TMEM200B: variants seen among roughly 807,000 people sequenced by gnomAD.
The protein encoded by TMEM200B is transmembrane protein TTMA.
In TMEM200B, 12 loss-of-function variants were observed where a neutral mutation model predicts 17.6. The ratio of observed to expected loss-of-function variants is 0.68; its 90% CI spans 0.44 to 1.11. TMEM200B has a LOEUF of 1.11. TMEM200B is among the 50% of genes least tolerant of loss of function. The pLI, the probability that TMEM200B is intolerant of heterozygous loss-of-function variation, is 0.00. For synonymous variants in TMEM200B, 234 were observed against 209.2 expected, an observed-to-expected ratio of 1.12 and a Z score of -1.02; for missense variants, 456 against 447.6, an observed-to-expected ratio of 1.02 and a Z score of -0.17.
rs1447923932 is a variant in TMEM200B, at chr1:29,120,864, G to A, written c.*41C>T. On this transcript the variant is annotated 3_prime_UTR_variant, in exon 2 of 2. Transcript: ENST00000521452. ...CCTGGTCCTTTGGTCCTATTAGCAT[G>A]GTCCATGCTGCAGCCTCAGAGCAGG... 6.6e-7 allele frequency: 1 copy of A among 1,519,908 alleles called. No homozygotes were observed. Among genetic ancestry groups the A allele is most frequent in the South Asian group, 1.3e-5 (1 of 78,234 alleles). 94.2% of individuals were successfully genotyped at this position (1,519,908 alleles called of 1,614,324 possible).
intron 1 of TMEM200B, chr1:29,122,321 T>A (rs1294016184): frequency 6.6e-6 from 1 of 152,502 alleles, no homozygotes; most frequent in African/African-American, 2.4e-5. Context: ...TCCGCAGGGG[T>A]CGCTCGCCGG....
chr1:29,123,604 G>A (rs1375291250), intron 1 of TMEM200B, among the ~76,000 whole-genome samples: 3 of 152,110 alleles, frequency 2.0e-5, no homozygotes, highest in Non-Finnish European at 4.4e-5. Context: ...GAGGTAGTGG[G>A]CCGACGCTGG....
In TMEM200B at chr1:29,121,729, G is replaced by A; in HGVS notation, c.100C>T (p.Arg34Cys). The A allele has an allele frequency of 8.3e-7, 1 of 1,205,230 alleles. No homozygotes were observed. The highest frequency in any genetic ancestry group is 1.0e-6 in the Non-Finnish European group (1 of 971,500). 74.7% of individuals were successfully genotyped at this position (1,205,230 alleles called of 1,614,324 possible). A position where few individuals can be genotyped will look rare whatever the true frequency, so the allele number is the denominator to read the frequency against. ...ACCCGCAGAGGCTCGGGCGGGGAGC[G>A]CGGGCGCCGGCGGCGGCCCAGGCGG... ...GRRLGRRRRP[R>C]SPPEPLRVRA... Residue 34 changes from arginine to cysteine, a missense_variant, in exon 2 of 2, where the codon CGC becomes TGC. Arg to Cys is a radical substitution (Grantham distance 180). Coordinates refer to ENST00000521452, the MANE Select transcript of TMEM200B (RefSeq NM_001003682.4). This position sits in a 1 kb window ranked among gnomAD's most constrained non-coding sequence, Gnocchi z 5.6.
rs1032476872 is a variant in TMEM200B, at chr1:29,119,532, C to A, written c.*1373G>T. On this transcript the variant is annotated 3_prime_UTR_variant, in exon 2 of 2. Coordinates refer to ENST00000521452, the MANE Select transcript of TMEM200B (RefSeq NM_001003682.4). The stretch of plus-strand genomic sequence containing the variant: ...CAAAGCAAGACCTGTATTTATAAGC[C>A]GAGGGCTCAGGGAGCCTAACTGCGG... 6.6e-6 allele frequency: 1 copy of A among 152,218 alleles called. No individual in the cohort carries two copies. The highest frequency in any genetic ancestry group is 1.5e-5 in the Non-Finnish European group (1 of 68,044). The allele number at this position is 152,218 out of a possible 1,614,324, so 9.4% of individuals were successfully genotyped here.
rs535159714 is a variant in TMEM200B, at chr1:29,121,578, G to T, written c.251C>A (p.Ser84Tyr). The T allele has an allele frequency of 6.7e-7, 1 of 1,497,408 alleles. No homozygotes were observed. Among genetic ancestry groups the T allele is most frequent in the South Asian group, 1.3e-5 (1 of 79,840 alleles). The allele number at this position is 1,497,408 out of a possible 1,614,324, so 92.8% of individuals were successfully genotyped here. Residue 84 changes from serine to tyrosine, a missense_variant, in exon 2 of 2, where the codon TCC (serine) becomes TAC (tyrosine). Transcript: ENST00000521452. This position sits in a 1 kb window ranked among gnomAD's most constrained non-coding sequence, Gnocchi z 5.6. Reference sequence around the variant, plus strand: ...GGGCGAGCTGGCATTGGCGGCCCGGGACCCTGGGGCCCCGGCCCGGTGCGG... The same window carrying T: ...GGGCGAGCTGGCATTGGCGGCCCGGTACCCTGGGGCCCCGGCCCGGTGCGG... ...YWPHRAGAPG[S>Y]RAANASSPQM...
chr1:29,120,795 C>T lies in TMEM200B; in HGVS notation c.*110G>A, dbSNP rs75735055. 1 of 1,361,614 alleles carries T rather than the reference C, an allele frequency of 7.3e-7. No homozygotes were observed. Among genetic ancestry groups the T allele is most frequent in the Admixed American group, 2.8e-5 (1 of 35,108 alleles). 84.3% of individuals were successfully genotyped at this position (1,361,614 alleles called of 1,614,324 possible). A position where few individuals can be genotyped will look rare whatever the true frequency, so the allele number is the denominator to read the frequency against. On this transcript the variant is annotated 3_prime_UTR_variant, in exon 2 of 2. Coordinates refer to ENST00000521452, the MANE Select transcript of TMEM200B (RefSeq NM_001003682.4). ...AGCTGCTGTGGTCAGAGCATCCATCCCCAGCCTGGGATGTGACTGAAACAT... is the reference window on the plus strand; with the variant it reads ...AGCTGCTGTGGTCAGAGCATCCATCTCCAGCCTGGGATGTGACTGAAACAT...
In TMEM200B at chr1:29,119,476, C is replaced by G. The variant is rs1374624596; in HGVS notation, c.*1429G>C. On this transcript the variant is annotated 3_prime_UTR_variant, in exon 2 of 2. Transcript: ENST00000521452. ...TAATTTGAGAAATAAAGATTTCCTC[C>G]AAGCCACATGAGGACTCTGGCACCC... The G allele has an allele frequency of 6.6e-6, 1 of 152,332 alleles. No homozygotes were observed. The highest frequency in any genetic ancestry group is 1.5e-5 in the Non-Finnish European group (1 of 68,048). 9.4% of individuals were successfully genotyped at this position (152,332 alleles called of 1,614,324 possible). A position where few individuals can be genotyped will look rare whatever the true frequency, so the allele number is the denominator to read the frequency against.
rs1264655385 is a variant in TMEM200B, at chr1:29,121,673, C to A, written c.156G>T (p.Ser52=). 1.5e-6 allele frequency: 2 copies of A among 1,376,780 alleles called. No homozygotes were observed. The highest frequency in any genetic ancestry group is 1.9e-6 in the Non-Finnish European group (2 of 1,066,938). The allele number at this position is 1,376,780 out of a possible 1,614,324, so 85.3% of individuals were successfully genotyped here. A position where few individuals can be genotyped will look rare whatever the true frequency, so the allele number is the denominator to read the frequency against. ...GCGCCCCCAGCGCCGCGAACGCCCC[C>A]GACGGCGAGCGCAGCCGCAGCCGCG... The part of the protein sequence containing the change: ...VRARLRLRSP[S]GAFAALGALV... The change falls in exon 2 of 2, where the codon TCG becomes TCT. Residue 52 remains serine (S), a synonymous_variant. Transcript: ENST00000521452. This position sits in a 1 kb window ranked among gnomAD's most constrained non-coding sequence, Gnocchi z 5.6.
Position 29,121,701 on chromosome 1 carries a change from C to A in TMEM200B, c.128G>T (p.Arg43Leu). The part of the protein sequence containing the change: ...PRSPPEPLRV[R>L]ARLRLRSPSG... ...CGGCGAGCGCAGCCGCAGCCGCGCC[C>A]GCACCCGCAGAGGCTCGGGCGGGGA... The change falls in exon 2 of 2, where the codon CGG becomes CTG. Residue 43 changes from arginine to leucine, a missense_variant. Coordinates refer to ENST00000521452, the MANE Select transcript of TMEM200B (RefSeq NM_001003682.4). The surrounding 1 kb of genome is among the most constrained non-coding windows in gnomAD (Gnocchi z 5.6). 7.7e-7 allele frequency: 1 copy of A among 1,291,452 alleles called. No homozygotes were observed. The highest frequency in any genetic ancestry group is 9.8e-7 in the Non-Finnish European group (1 of 1,024,020). 80.0% of individuals were successfully genotyped at this position (1,291,452 alleles called of 1,614,324 possible).
In TMEM200B at chr1:29,121,307, G is replaced by T. The variant is rs758926011; in HGVS notation, c.522C>A (p.Gly174=). 3 of 1,600,126 alleles carry T rather than the reference G, an allele frequency of 1.9e-6. 1 individual carries two copies. The South Asian group carries it at 3.4e-5, about 18-fold the overall frequency. Residue 174 remains glycine, a synonymous_variant, in exon 2 of 2, where the codon GGC becomes GGA. Coordinates refer to ENST00000521452, the MANE Select transcript of TMEM200B (RefSeq NM_001003682.4). This position sits in a 1 kb window ranked among gnomAD's most constrained non-coding sequence, Gnocchi z 5.6. The part of the protein sequence containing the change: ...GWDCALLPSP[G]PRSPRAVGCA... Reference sequence around the variant, plus strand: ...AGCCTACGGCTCGGGGACTCCTAGGGCCGGGGCTGGGAAGGAGGGCGCAGT... The same window carrying T: ...AGCCTACGGCTCGGGGACTCCTAGGTCCGGGGCTGGGAAGGAGGGCGCAGT...
chr1:29,121,259 G>A lies in TMEM200B; in HGVS notation c.570C>T (p.Asp190=). 1 of 1,612,190 alleles carries A rather than the reference G, an allele frequency of 6.2e-7. No individual in the cohort carries two copies. Among genetic ancestry groups the A allele is most frequent in the Non-Finnish European group, 8.5e-7 (1 of 1,179,700 alleles). Residue 190 remains aspartate (D), a synonymous_variant, in exon 2 of 2, where the codon GAC becomes GAT. Transcript: ENST00000521452. The surrounding 1 kb of genome is among the most constrained non-coding windows in gnomAD (Gnocchi z 5.6). The part of the protein sequence containing the change: ...AVGCAEPEIW[D]PSPRRGTSPV... ...GTGAAGTACCCCGACGCGGGGACGG[G>A]TCCCAGATTTCTGGCTCTGCGCAGC...
At position 29,121,785 on chromosome 1, in the gene TMEM200B, C is replaced by T. The variant is rs757453801; in HGVS notation, c.44G>A (p.Ser15Asn). ...CAAGCGAGAGACGCGGCCCTCGGGGCTCCTCCGCACCTCCCCGCATTCTTC... is the reference window on the plus strand; with the variant it reads ...CAAGCGAGAGACGCGGCCCTCGGGGTTCCTCCGCACCTCCCCGCATTCTTC... ...SPEECGEVRR[S>N]PEGRVSRLGR... is the part of the protein sequence containing the mutation. Residue 15 changes from serine to asparagine, a missense_variant, in exon 2 of 2, where the codon AGC becomes AAC. Physicochemically the swap from Ser to Asn is conservative, Grantham distance 46. Transcript: ENST00000521452. The surrounding 1 kb of genome is among the most constrained non-coding windows in gnomAD (Gnocchi z 5.6). 1 of 1,261,636 alleles carries T rather than the reference C, an allele frequency of 7.9e-7. No individual in the cohort carries two copies. The highest frequency in any genetic ancestry group is 1.0e-6 in the Non-Finnish European group (1 of 1,004,706). 78.2% of individuals were successfully genotyped at this position (1,261,636 alleles called of 1,614,324 possible).
chr1:29,121,738 G>C lies in TMEM200B; in HGVS notation c.91C>G (p.Arg31Gly). 1.7e-6 allele frequency: 2 copies of C among 1,206,386 alleles called. No individual in the cohort carries two copies. Among genetic ancestry groups the C allele is most frequent in the African/African-American group, 1.6e-5 (1 of 63,200 alleles). 74.7% of individuals were successfully genotyped at this position (1,206,386 alleles called of 1,614,324 possible). Residue 31 changes from arginine (R) to glycine (G), a missense_variant, in exon 2 of 2, where the codon CGG (arginine) becomes GGG (glycine). Coordinates refer to ENST00000521452, the MANE Select transcript of TMEM200B (RefSeq NM_001003682.4). The surrounding 1 kb of genome is among the most constrained non-coding windows in gnomAD (Gnocchi z 5.6). ...SRLGRRLGRRRRPRSPPEPLR... is the reference protein window; with the variant it reads ...SRLGRRLGRRGRPRSPPEPLR... ...GGCTCGGGCGGGGAGCGCGGGCGCC[G>C]GCGGCGGCCCAGGCGGCGGCCCAAG...
intron 1 of TMEM200B, among the ~76,000 whole-genome samples, chr1:29,123,514 C>A (rs924892440): frequency 6.6e-6 from 1 of 152,118 alleles, no homozygotes; most frequent in Non-Finnish European, 1.5e-5. Flanking sequence ...TCACCCGGAG[C>A]CCCGCGCGTC....
intron 1 of TMEM200B, among the ~76,000 whole-genome samples, 200 bp from the exon 2 acceptor site, chr1:29,122,048 G>A (rs1201776213): frequency 6.6e-6 from 1 of 152,130 alleles, no homozygotes; most frequent in African/African-American, 2.4e-5. Context: ...GCGGAGCTCC[G>A]AGCCAGGCAC....
chr1:29,123,098 C>T (rs1419561733), intron 1 of TMEM200B, among the ~76,000 whole-genome samples: 1 of 152,224 alleles, frequency 6.6e-6, no homozygotes, highest in East Asian at 1.9e-4. Flanking sequence ...GCAGCCGAAA[C>T]CTCGGGGAGG....
intron 1 of TMEM200B, among the ~76,000 whole-genome samples, chr1:29,122,181 G>A (rs776585431): frequency 6.6e-6 from 1 of 152,154 alleles, no homozygotes; most frequent in Non-Finnish European, 1.5e-5. Flanking sequence ...AAGCCCGCGG[G>A]TCTTGGGCCT....
Position 29,120,992 on chromosome 1 carries a change from A to G in TMEM200B, c.837T>C (p.Ala279=), listed in dbSNP as rs1671740520. The change falls in exon 2 of 2, where the codon GCT becomes GCC. Residue 279 remains alanine (A), a synonymous_variant. Transcript: ENST00000521452. The stretch of plus-strand genomic sequence containing the variant: ...GGTCCAGCCGTGGCCAGCTTCGGTG[A>G]GCACAGTCCCGAGCTGCTGGGGCCC... ...LLGAPAARDC[A]HRSWPRLDRL... The G allele has an allele frequency of 6.2e-7, 1 of 1,613,612 alleles. No homozygotes were observed. The highest frequency in any genetic ancestry group is 1.7e-5 in the Admixed American group (1 of 60,006).
rs746112815 is a variant in TMEM200B, at chr1:29,120,905, T to TCAGACCC, written c.917_923dup (p.Ter308TrpfsTer170). 6 of 1,597,672 alleles carry TCAGACCC rather than the reference T, an allele frequency of 3.8e-6. No individual in the cohort carries two copies. The highest frequency in any genetic ancestry group is 4.3e-6 in the Non-Finnish European group (5 of 1,171,302). Reference sequence around the variant, plus strand: ...TCAGAGCAGGCTGTCTCCCCTCTCTTCAGACCCGGGCCCCCAAGTCCCCTC... The same window carrying TCAGACCC: ...TCAGAGCAGGCTGTCTCCCCTCTCTTCAGACCCCAGACCCGGGCCCCCAAGTCCCCTC... On this transcript the variant is annotated frameshift_variant and stop_lost, in exon 2 of 2. Coordinates refer to ENST00000521452, the MANE Select transcript of TMEM200B (RefSeq NM_001003682.4). LOFTEE classifies it high-confidence loss of function.
Sources: gnomAD v4.1 joint callset for allele counts (sites outside exome capture counted in the v4.1 genomes callset) on GRCh38, gnomAD v4.1.1 for gene constraint, Gnocchi (gnomAD v3.1) non-coding constraint, MANE v1.5 for transcripts, NCBI Gene and HGNC (gene_info 2026-07-23, HGNC 2026-07-21) for gene names.